FAM193B: variants seen among roughly 807,000 people sequenced by gnomAD.
FAM193B encodes the protein family with sequence similarity 193 member B.
Under a neutral mutation model 70.7 loss-of-function variants are expected in FAM193B, and 27 were observed. The ratio of observed to expected loss-of-function variants is 0.38; its 90% CI spans 0.28 to 0.53. FAM193B has a LOEUF of 0.53. Among genes scored for constraint, FAM193B ranks in the 20% least tolerant of loss-of-function variants. The probability of loss-of-function intolerance (pLI) is 0.81; values close to 1 mark genes in which losing one functional copy is unlikely to be tolerated. For synonymous variants in FAM193B, 448 were observed against 436.0 expected (o/e 1.03, Z -0.34); for missense variants, 1,022 against 1,072.5 (o/e 0.95, Z 0.66).
chr5:177,539,136 G>C lies in FAM193B; in HGVS notation c.222C>G (p.Ala74=). Residue 74 remains alanine, a synonymous_variant, in exon 2 of 9, where the codon GCC becomes GCG. Transcript: ENST00000514747. ...AGCAAGTCTGCACAGGCTGGCTGGAGGCGGGGGGGACCTGTCCAACAGACA... is the reference window on the plus strand; with the variant it reads ...AGCAAGTCTGCACAGGCTGGCTGGACGCGGGGGGGACCTGTCCAACAGACA... ...NLVPGPQVPP[A]SSQPVQTCCL... is the part of the protein sequence containing the mutation. The C allele has an allele frequency of 6.4e-7, 1 of 1,573,240 alleles. No homozygotes were observed.
At position 177,554,296 on chromosome 5, in the gene FAM193B, C is replaced by G; in HGVS notation, c.163G>C (p.Asp55His). The G allele has an allele frequency of 7.2e-7, 1 of 1,383,248 alleles. No individual in the cohort carries two copies. The highest frequency in any genetic ancestry group is 2.9e-5 in the Admixed American group (1 of 34,984). The allele number at this position is 1,383,248 out of a possible 1,614,324, so 85.7% of individuals were successfully genotyped here. The change falls in exon 1 of 9, where the codon GAC becomes CAC. Residue 55 changes from aspartate to histidine, a missense_variant. Transcript: ENST00000514747. ...PPEAPAEPDH[D>H]GPREDDEPNL... ...GGTTCGTCATCCTCCCTGGGGCCGT[C>G]GTGGTCGGGCTCCGCCGGCGCCTCC... is the stretch of plus-strand genomic sequence containing the variant.
intron 5 of FAM193B, chr5:177,531,911 C>T: frequency 8.3e-7 from 1 of 1,210,336 alleles, no homozygotes; most frequent in Non-Finnish European, 1.0e-6. Context: ...TTTCTTCTAT[C>T]CTCAGCTGCT....
intron 1 of FAM193B, chr5:177,552,064 T>C: frequency 1.0e-6 from 1 of 985,462 alleles, no homozygotes; most frequent in East Asian, 1.1e-4. Context: ...TTCTTTTCTT[T>C]TGTCTGACAC....
chr5:177,523,594 T>C (rs1214256047), intron 7 of FAM193B, among the ~76,000 whole-genome samples: 1 of 152,230 alleles, frequency 6.6e-6, no homozygotes, highest in Non-Finnish European at 1.5e-5. Context: ...CATTTATCAG[T>C]AGGCTGCATG....
At chr5:177,522,107 A>G (rs1482615057) in intron 7 of FAM193B, 36 bp from the exon 8 acceptor site, 1 of 1,554,630 alleles carries the variant, frequency 6.4e-7, no homozygotes, top group Admixed American at 1.7e-5. Context: ...AAGCACAATC[A>G]GAGGTTCATT....
At chr5:177,531,731 C>A in intron 5 of FAM193B, 1 of 619,624 alleles carries the variant, frequency 1.6e-6, no homozygotes, top group Non-Finnish European at 2.4e-6. Flanking sequence ...CAGAGCTGGG[C>A]AAACACTGAC....
At position 177,524,627 on chromosome 5, in the gene FAM193B, G is replaced by GCAAGCTCTTCCTTTGCAA; in HGVS notation, c.1853_1854insTTGCAAAGGAAGAGCTTG (p.Pro618_Ser619insCysLysGlyArgAlaCys). ...GCTCAGGCAGCTCCTGCTTGCAACT[G>GCAAGCTCTTCCTTTGCAA]GGAACTTCCTTTGAGCTTGGCTCCT... On this transcript the variant is annotated inframe_insertion, in exon 6 of 9. Coordinates refer to ENST00000514747, the MANE Select transcript of FAM193B (RefSeq NM_001190946.3). 1 of 1,612,704 alleles carries GCAAGCTCTTCCTTTGCAA rather than the reference G, an allele frequency of 6.2e-7. No individual in the cohort carries two copies. Among genetic ancestry groups the GCAAGCTCTTCCTTTGCAA allele is most frequent in the African/African-American group, 1.3e-5 (1 of 74,924 alleles).
At chr5:177,527,597 T>C (rs1762811797) in intron 5 of FAM193B, among the ~76,000 whole-genome samples, 1 of 152,230 alleles carries the variant, frequency 6.6e-6, no homozygotes, top group African/African-American at 2.4e-5. Flanking sequence ...CATCGCTCCA[T>C]TTCATCCCTG....
In FAM193B at chr5:177,524,891, G is replaced by A. The variant is rs1762354309; in HGVS notation, c.1590C>T (p.Ile530=). Residue 530 remains isoleucine (I), a synonymous_variant, in exon 6 of 9, where the codon ATC becomes ATT. Coordinates refer to ENST00000514747, the MANE Select transcript of FAM193B (RefSeq NM_001190946.3). The part of the protein sequence containing the change: ...LSGSSEQQPD[I]NLDLSPLTLG... Reference sequence around the variant, plus strand: ...AAGTCAAAGGGGACAGGTCAAGGTTGATGTCAGGCTGCTGCTCTGAGGAGC... The same window carrying A: ...AAGTCAAAGGGGACAGGTCAAGGTTAATGTCAGGCTGCTGCTCTGAGGAGC... The A allele has an allele frequency of 6.6e-7, 1 of 1,509,086 alleles. No individual in the cohort carries two copies. The highest frequency in any genetic ancestry group is 2.3e-5 in the East Asian group (1 of 43,294). The allele number at this position is 1,509,086 out of a possible 1,614,324, so 93.5% of individuals were successfully genotyped here. A position where few individuals can be genotyped will look rare whatever the true frequency, so the allele number is the denominator to read the frequency against.
chr5:177,550,196 T>C (rs1203697865), intron 1 of FAM193B, among the ~76,000 whole-genome samples: 1 of 152,214 alleles, frequency 6.6e-6, no homozygotes, highest in Admixed American at 6.5e-5. Flanking sequence ...GTCTTCATTT[T>C]CAAAGGTCTT....
intron 1 of FAM193B, 103 bp from the exon 2 acceptor site, chr5:177,539,250 G>C: frequency 7.3e-7 from 1 of 1,365,352 alleles, no homozygotes; most frequent in Non-Finnish European, 9.6e-7. Flanking sequence ...CCAGGCACTG[G>C]GTTAGGCACT....
rs1440956884 is a variant in FAM193B at position 177,524,303 on chromosome 5, C to T, written c.2178G>A (p.Arg726=). 1.3e-6 allele frequency: 2 copies of T among 1,585,632 alleles called. No individual in the cohort carries two copies. Among genetic ancestry groups the T allele is most frequent in the Non-Finnish European group, 8.6e-7 (1 of 1,165,746 alleles). ...GCTGCACAGACTCCTGCTCCTGAGG[C>T]CGTGCCTTGGCCTCGCCTGGCCAGT... The part of the protein sequence containing the change: ...WRNWPGEAKA[R]PQEQESVQPS... The change falls in exon 6 of 9, where the codon CGG becomes CGA. Residue 726 remains arginine (R), a synonymous_variant. Transcript: ENST00000514747.
In FAM193B at chr5:177,553,079, G is replaced by A. The variant is rs1766505596; in HGVS notation, c.210+1170C>T. 10 of 639,256 alleles carry A rather than the reference G, an allele frequency of 1.6e-5. 1 individual carries two copies. The South Asian group carries it at 7.0e-4, about 45-fold the overall frequency. The allele number at this position is 639,256 out of a possible 1,614,324, so 39.6% of individuals were successfully genotyped here. On this transcript the variant is annotated intron_variant, in intron 1 of 8. Coordinates refer to ENST00000514747, the MANE Select transcript of FAM193B (RefSeq NM_001190946.3). ...AGTGCTACCAGAGGGAGGCACAGAG[G>A]GCTGTGGGCACAGAGAGGGCACCTG...
rs767547329 is a variant in FAM193B at position 177,539,139 on chromosome 5, G to C, written c.219C>G (p.Pro73=). 1.3e-4 allele frequency: 199 copies of C among 1,565,102 alleles called. No individual in the cohort carries two copies. Among genetic ancestry groups the C allele is most frequent in the Non-Finnish European group, 1.7e-4 (193 of 1,155,092 alleles). The change falls in exon 2 of 9, where the codon CCC becomes CCG. Residue 73 remains proline, a synonymous_variant. Coordinates refer to ENST00000514747, the MANE Select transcript of FAM193B (RefSeq NM_001190946.3). The part of the protein sequence containing the change: ...PNLVPGPQVP[P]ASSQPVQTCC... ...AAGTCTGCACAGGCTGGCTGGAGGC[G>C]GGGGGGACCTGTCCAACAGACAGAA...
At chr5:177,526,337 T>C (rs907940904) in intron 5 of FAM193B, among the ~76,000 whole-genome samples, 1 of 152,122 alleles carries the variant, frequency 6.6e-6, no homozygotes, top group Non-Finnish European at 1.5e-5. Context: ...TGAGAGTCTG[T>C]GTGGGGTCCT....
intron 1 of FAM193B, among the ~76,000 whole-genome samples, chr5:177,539,601 A>G (rs541660325): frequency 6.6e-6 from 1 of 152,324 alleles, no homozygotes; most frequent in South Asian, 2.1e-4. Context: ...GTTTAGGAGA[A>G]TGTGTGGGTT....
At chr5:177,528,786 G>A (rs1479668819) in intron 5 of FAM193B, among the ~76,000 whole-genome samples, 1 of 152,126 alleles carries the variant, frequency 6.6e-6, no homozygotes, top group Non-Finnish European at 1.5e-5. Context: ...AGGAAGCCCA[G>A]GGAACCATGA....
chr5:177,551,942 T>C (rs1191406869), intron 1 of FAM193B: 2 of 803,854 alleles, frequency 2.5e-6, no homozygotes, highest in Non-Finnish European at 3.0e-6. Context: ...CCACCCCCGG[T>C]CAAAGTGGGG....
intron 5 of FAM193B, among the ~76,000 whole-genome samples, chr5:177,528,303 C>A (rs1034839949): frequency 1.3e-5 from 2 of 152,144 alleles, no homozygotes; most frequent in Admixed American, 6.5e-5. Flanking sequence ...TAGAAAACCG[C>A]CTGCAATGAG....
Sources: gnomAD v4.1 joint callset for allele counts (sites outside exome capture counted in the v4.1 genomes callset) on GRCh38, gnomAD v4.1.1 for gene constraint, MANE v1.5 for transcripts, NCBI Gene and HGNC (gene_info 2026-07-23, HGNC 2026-07-21) for gene names.